OSBPL9: variants seen among roughly 807,000 people sequenced by gnomAD.
OSBPL9 encodes oxysterol binding protein like 9.
A neutral mutation model predicts 106.6 loss-of-function variants in OSBPL9; 40 were observed. The ratio of observed to expected loss-of-function variants is 0.38; its 90% CI spans 0.29 to 0.49. The LOEUF is 0.49. OSBPL9 is among the 20% of genes least tolerant of loss of function. OSBPL9 has a pLI of 0.97. For missense variants in OSBPL9, 609 were observed against 887.2 expected (o/e 0.69, Z 3.98); for synonymous variants, 269 against 295.4 (o/e 0.91, Z 0.92).
In OSBPL9 at chr1:51,747,553, C is replaced by CTTTTTTTTTTTTT. The variant is rs746109312; in HGVS notation, c.463-804_463-792dup. On this transcript the variant is annotated intron_variant, in intron 6 of 23. Transcript: ENST00000428468. ...TAATTAACATTTTTCCTCTCCTTGG[C>CTTTTTTTTTTTTT]TTTTTTTTTTTTTTTTTTTTTTTTG... is the stretch of plus-strand genomic sequence containing the variant. Among the ~76,000 whole-genome samples, 164 of 42,384 alleles carry CTTTTTTTTTTTTT rather than the reference C, an allele frequency of 3.9e-3. 3 individuals carry two copies. Among genetic ancestry groups the CTTTTTTTTTTTTT allele is most frequent in the Non-Finnish European group, 4.9e-3 (102 of 20,688 alleles). The allele number at this position is 42,384 out of a possible 152,430, so 27.8% of individuals were successfully genotyped here.
intron 2 of OSBPL9, among the ~76,000 whole-genome samples, chr1:51,608,583 A>G (rs1157517942): frequency 2.6e-5 from 4 of 151,802 alleles, no homozygotes; most frequent in Non-Finnish European, 4.4e-5. Flanking sequence ...GATTACAGGC[A>G]TGAGCCACCA....
At chr1:51,748,984 C>CT (rs1668635223) in intron 7 of OSBPL9, among the ~76,000 whole-genome samples, 1 of 152,028 alleles carries the variant, frequency 6.6e-6, no homozygotes, top group South Asian at 2.1e-4. Flanking sequence ...ACTCTGGAGG[C>CT]TGAGACAGGA....
intron 9 of OSBPL9, chr1:51,757,126 A>G (rs1053746865): frequency 1.3e-5 from 2 of 152,144 alleles, no homozygotes; most frequent in African/African-American, 4.8e-5. Flanking sequence ...CTGGAAAAAC[A>G]TTCTGTAAAT....
the OSBPL9 span, among the ~76,000 whole-genome samples, chr1:51,526,486 G>T: frequency 1.3e-5 from 2 of 152,122 alleles, no homozygotes. Context: ...TACTTCTGAG[G>T]ATTTCGGGGA....
At chr1:51,605,977 CAAAGAA>C (rs1643945328) in intron 2 of OSBPL9, among the ~76,000 whole-genome samples, 2 of 140,418 alleles carry the variant, frequency 1.4e-5, no homozygotes, top group South Asian at 4.6e-4. Flanking sequence ...AAGAAAGAAA[CAAAGAA>C]AGAGAGCGAG....
intron 16 of OSBPL9, 74 bp from the exon 17 acceptor site, chr1:51,782,475 GAGCAGAGACC>G: frequency 4.3e-6 from 4 of 931,098 alleles, no homozygotes; most frequent in South Asian, 2.1e-5. Flanking sequence ...TGTGTAGAGC[GAGCAGAGACC>G]CCAATTACCA....
At chr1:51,526,554 G>A in the OSBPL9 span, among the ~76,000 whole-genome samples, 1 of 152,100 alleles carries the variant, frequency 6.6e-6, no homozygotes, top group Non-Finnish European at 1.5e-5. Context: ...CACTTAGCAG[G>A]TGGTGGTAAT....
chr1:51,758,235 G>A (rs757954004), intron 9 of OSBPL9, among the ~76,000 whole-genome samples: 5 of 152,018 alleles, frequency 3.3e-5, no homozygotes, highest in Non-Finnish European at 7.4e-5. Context: ...AATCGGATCA[G>A]CCTCCATTCT....
upstream of OSBPL9, among the ~76,000 whole-genome samples, chr1:51,613,805 G>A (rs564945953): frequency 4.0e-5 from 6 of 151,330 alleles, no homozygotes; most frequent in East Asian, 9.7e-4. Flanking sequence ...GCAGTGGCAC[G>A]ATCTCTGCTT....
chr1:51,618,542 G>A (rs895166427), intron 1 of OSBPL9, among the ~76,000 whole-genome samples: 20 of 152,082 alleles, frequency 1.3e-4, no homozygotes, highest in South Asian at 2.1e-4. Context: ...TATGGAAGAA[G>A]GATTAAGGTT....
intron 1 of OSBPL9, among the ~76,000 whole-genome samples, chr1:51,647,183 A>G (rs745642668): frequency 6.6e-6 from 1 of 152,162 alleles, no homozygotes; most frequent in East Asian, 1.9e-4. Flanking sequence ...TGAGATGATC[A>G]TGTGATTTTT....
intron 10 of OSBPL9, among the ~76,000 whole-genome samples, 179 bp downstream of exon 10, chr1:51,760,959 G>A (rs560592997): frequency 6.6e-6 from 1 of 152,278 alleles, no homozygotes; most frequent in East Asian, 1.9e-4. Context: ...TGATATTGGG[G>A]CTTTACTGAA....
intron 4 of OSBPL9, among the ~76,000 whole-genome samples, chr1:51,718,749 G>C (rs1661528366): frequency 6.6e-6 from 1 of 152,148 alleles, no homozygotes; most frequent in African/African-American, 2.4e-5. Context: ...ACAGTAGACT[G>C]TTTTCATTGT....
intron 1 of OSBPL9, among the ~76,000 whole-genome samples, chr1:51,644,509 G>A (rs1646023074): frequency 6.6e-6 from 1 of 151,980 alleles, no homozygotes; most frequent in Admixed American, 6.6e-5. Flanking sequence ...TGTACTTTTA[G>A]TAGAGACAGG....
chr1:51,746,522 A>T (rs1668010397), intron 5 of OSBPL9, among the ~76,000 whole-genome samples, 188 bp from the exon 6 acceptor site: 1 of 152,190 alleles, frequency 6.6e-6, no homozygotes, highest in African/African-American at 2.4e-5. Context: ...AGTTAAAATG[A>T]TTTCATACAA....
the OSBPL9 span, among the ~76,000 whole-genome samples, chr1:51,549,558 A>G: frequency 6.6e-6 from 1 of 152,236 alleles, no homozygotes; most frequent in Admixed American, 6.5e-5. Context: ...AAGGGCAGGT[A>G]CACTGGCCTA....
the OSBPL9 span, among the ~76,000 whole-genome samples, chr1:51,556,077 C>A: frequency 6.6e-6 from 1 of 151,118 alleles, no homozygotes; most frequent in Non-Finnish European, 1.5e-5. Context: ...TGTGTGATCT[C>A]GGGCAAGTTT....
intron 21 of OSBPL9, 57 bp from the exon 22 acceptor site, chr1:51,786,469 T>G (rs1234872590): frequency 1.3e-5 from 15 of 1,189,930 alleles, no homozygotes; most frequent in African/African-American, 4.6e-5. Flanking sequence ...ACAATGCATC[T>G]AACATTAGGT....
chr1:51,730,087 G>A (rs1005839578), intron 4 of OSBPL9: 3 of 1,262,424 alleles, frequency 2.4e-6, no homozygotes, highest in South Asian at 7.8e-5. Flanking sequence ...GAGCGCGAAT[G>A]TCGTGCTCAC....
Sources: allele counts gnomAD v4.1 joint callset (sites outside exome capture counted in the v4.1 genomes callset), GRCh38; gene constraint gnomAD v4.1.1; transcripts MANE v1.5; gene names NCBI Gene and HGNC (gene_info 2026-07-23, HGNC 2026-07-21).